TNRC6C: variants seen among roughly 807,000 people sequenced by gnomAD.
TNRC6C encodes trinucleotide repeat-containing gene 6C protein.
TNRC6C carries 20 observed loss-of-function variants against 153.7 expected under a neutral mutation model. The observed-to-expected ratio is 0.13, with a 90% CI of 0.09 to 0.19. TNRC6C has a LOEUF of 0.19. TNRC6C is among the 10% of genes least tolerant of loss of function. The probability of loss-of-function intolerance (pLI) is 1.00; values close to 1 mark genes in which losing one functional copy is unlikely to be tolerated. For missense variants in TNRC6C, 1,987 were observed against 2,172.0 expected (o/e 0.91, Z 1.69); for synonymous variants, 811 against 841.4 (o/e 0.96, Z 0.63).
chr17:78,037,696 G>A (rs939737563), intron 2 of TNRC6C, among the ~76,000 whole-genome samples: 15 of 152,194 alleles, frequency 9.9e-5, no homozygotes, highest in African/African-American at 2.9e-4. Context: ...GAAGTTGGCT[G>A]TTGGTATTAC....
At position 77,992,715 on chromosome 17, in the gene TNRC6C, C is replaced by T. The variant is rs190609724; in HGVS notation, c.-37-11455C>T. Among the ~76,000 whole-genome samples the T allele has an allele frequency of 2.9e-3, 448 of 152,316 alleles. 2 individuals are homozygous for T. The highest frequency in any genetic ancestry group is 0.01 in the African/African-American group (430 of 41,572). On this transcript the variant is annotated intron_variant, in intron 1 of 22. Coordinates refer to the TNRC6C transcript ENST00000636222. ...AAAAAAGAAGCTGTCTAGTGCATGA[C>T]TACGTCGCCTGTGTGAGGTACCCAC...
At chr17:78,016,900 A>C (rs2071739091) in intron 1 of TNRC6C, among the ~76,000 whole-genome samples, 1 of 152,156 alleles carries the variant, frequency 6.6e-6, no homozygotes, top group Non-Finnish European at 1.5e-5. Flanking sequence ...CCTTGCCCAC[A>C]TGTTATGGAT....
chr17:78,013,103 C>T (rs1169750758), intron 1 of TNRC6C, among the ~76,000 whole-genome samples: 1 of 151,274 alleles, frequency 6.6e-6, no homozygotes, highest in Admixed American at 6.6e-5. Context: ...CCTTACCAAG[C>T]TATTCTACCC....
intron 2 of TNRC6C, among the ~76,000 whole-genome samples, 182 bp downstream of exon 4, chr17:78,032,024 A>G (rs1305686626): frequency 6.6e-6 from 1 of 152,212 alleles, no homozygotes; most frequent in African/African-American, 2.4e-5. Flanking sequence ...CTATTTATTT[A>G]CATTATTGGT....
rs2073133076 is a variant in TNRC6C, at chr17:78,079,050, T to G, written c.3211-345T>G. ...AGGTTGCAGTGAGCTGAGATCGCAC[T>G]ACTGCATTCCAGCCTGGGTGACAGA... On this transcript the variant is annotated intron_variant, in intron 9 of 19. Coordinates refer to ENST00000301624, the Ensembl canonical transcript of TNRC6C. This position sits in a 1 kb window ranked among gnomAD's most constrained non-coding sequence, Gnocchi z 4.3. Among the ~76,000 whole-genome samples, 1 of 151,316 alleles carries G rather than the reference T, an allele frequency of 6.6e-6. No individual in the cohort carries two copies. Among genetic ancestry groups the G allele is most frequent in the African/African-American group, 2.4e-5 (1 of 41,128 alleles).
chr17:77,998,498 C>T (rs1018486635), intron 1 of TNRC6C, among the ~76,000 whole-genome samples: 1 of 152,148 alleles, frequency 6.6e-6, no homozygotes, highest in Non-Finnish European at 1.5e-5. Flanking sequence ...TCCTTCAGGT[C>T]CCCGAGGTAC....
At chr17:78,088,604 TTC>T (rs1450409074) in intron 13 of TNRC6C, among the ~76,000 whole-genome samples, 1 of 151,982 alleles carries the variant, frequency 6.6e-6, no homozygotes. Context: ...ATATGTAAAG[TTC>T]TCTTTTTTCT....
At chr17:78,097,025 C>T (rs1281095489) in intron 16 of TNRC6C, among the ~76,000 whole-genome samples, 1 of 152,160 alleles carries the variant, frequency 6.6e-6, no homozygotes, top group Non-Finnish European at 1.5e-5. Context: ...GTTATTAGGA[C>T]AGATGTCTCT....
intron 1 of TNRC6C, among the ~76,000 whole-genome samples, chr17:78,017,652 T>G (rs895191391): frequency 1.3e-5 from 2 of 152,194 alleles, no homozygotes; most frequent in African/African-American, 4.8e-5. Flanking sequence ...CTGAGGAGTA[T>G]CCATCCATGG....
At chr17:78,001,640 T>C (rs539722366), upstream of TNRC6C, among the ~76,000 whole-genome samples, 1 of 152,300 alleles carries the variant, frequency 6.6e-6, no homozygotes, top group East Asian at 1.9e-4. Flanking sequence ...GCAAAAAAGT[T>C]TCTATAACAT....
chr17:77,988,634 G>A (rs940944270), intron 1 of TNRC6C, among the ~76,000 whole-genome samples: 2 of 152,170 alleles, frequency 1.3e-5, no homozygotes, highest in African/African-American at 2.4e-5. Context: ...ATTTCAAACA[G>A]TTTTTCAAAT....
At chr17:77,967,873 G>A (rs1019091851) in intron 1 of TNRC6C, among the ~76,000 whole-genome samples, 8 of 152,130 alleles carry the variant, frequency 5.3e-5, no homozygotes, top group Non-Finnish European at 1.2e-4. Context: ...CTTATATCCC[G>A]CCCTCCTTTA....
At chr17:77,979,750 C>A (rs867709197) in intron 1 of TNRC6C, among the ~76,000 whole-genome samples, 1 of 150,554 alleles carries the variant, frequency 6.6e-6, no homozygotes, top group Non-Finnish European at 1.5e-5. Context: ...AGAATCAATA[C>A]CAAAAAACAA....
At chr17:78,050,529 A>C in exon 3 of TNRC6C, 1 of 1,613,854 alleles carries the variant, frequency 6.2e-7, no homozygotes, top group African/African-American at 1.3e-5. Context: ...CTTCAAACTC[A>C]GGGGGGAAGA....
exon 4 of TNRC6C, chr17:78,064,910 G>A: frequency 1.2e-6 from 2 of 1,611,480 alleles, no homozygotes; most frequent in African/African-American, 1.3e-5. Flanking sequence ...TGGCGCACCT[G>A]TTGCTGCCTC....
intron 2 of TNRC6C, among the ~76,000 whole-genome samples, chr17:78,036,736 C>T (rs573740380): frequency 4.4e-4 from 67 of 151,972 alleles, no homozygotes; most frequent in African/African-American, 1.5e-3. Context: ...CCAGCCTGGC[C>T]AACATAGCGA....
intron 1 of TNRC6C, among the ~76,000 whole-genome samples, chr17:77,977,204 T>G (rs955488787): frequency 6.6e-6 from 1 of 152,128 alleles, no homozygotes; most frequent in Non-Finnish European, 1.5e-5. Context: ...TTCATAAAAC[T>G]TAGCTGTGTG....
At chr17:77,981,672 C>A (rs1286747127) in intron 1 of TNRC6C, among the ~76,000 whole-genome samples, 2 of 152,168 alleles carry the variant, frequency 1.3e-5, no homozygotes, top group African/African-American at 4.8e-5. Context: ...AGAATCACAT[C>A]ATAATGTTCA....
At chr17:78,047,082 A>G (rs1204455616) in intron 2 of TNRC6C, among the ~76,000 whole-genome samples, 1 of 152,112 alleles carries the variant, frequency 6.6e-6, no homozygotes, top group Admixed American at 6.5e-5. Context: ...TGTCTTAGTC[A>G]AGAGGCAGCC....
Sources: allele counts gnomAD v4.1 joint callset (sites outside exome capture counted in the v4.1 genomes callset), GRCh38; gene constraint gnomAD v4.1.1; non-coding constraint Gnocchi (gnomAD v3.1); transcripts MANE v1.5; gene names NCBI Gene and HGNC (gene_info 2026-07-23, HGNC 2026-07-21).